The following PCDH15 variants were observed in gnomAD, a reference collection of about 807,000 sequenced individuals.
The protein encoded by PCDH15 is protocadherin-15.
In PCDH15, 129 loss-of-function variants were observed where a neutral mutation model predicts 178.5. The observed-to-expected ratio is 0.72, with a 90% CI of 0.63 to 0.84. The LOEUF (loss-of-function observed/expected upper bound fraction) is 0.84. Among genes scored for constraint, PCDH15 ranks in the 40% least tolerant of loss-of-function variants. The probability of loss-of-function intolerance (pLI) is 0.00; values close to 1 mark genes in which losing one functional copy is unlikely to be tolerated. For synonymous variants in PCDH15, 800 were observed against 732.0 expected, an observed-to-expected ratio of 1.09 and a Z score of -1.50; for missense variants, 2,230 against 2,099.9, an observed-to-expected ratio of 1.06 and a Z score of -1.21.
intron 1 of PCDH15, among the ~76,000 whole-genome samples, chr10:54,673,117 A>T (rs1344930769): frequency 6.6e-6 from 1 of 152,098 alleles, no homozygotes; most frequent in Non-Finnish European, 1.5e-5. Context: ...ACATGTCCAG[A>T]ATGTGTAGGT....
At chr10:55,601,864 TAC>T (rs775541528) in intron 2 of PCDH15, among the ~76,000 whole-genome samples, 1 of 151,940 alleles carries the variant, frequency 6.6e-6, no homozygotes, top group African/African-American at 2.4e-5. Context: ...AGTTATAAAA[TAC>T]ACACACACGG....
At chr10:54,903,021 A>G (rs1954662977) in intron 2 of PCDH15, among the ~76,000 whole-genome samples, 1 of 152,154 alleles carries the variant, frequency 6.6e-6, no homozygotes, top group South Asian at 2.1e-4. Context: ...AATGGCTTTT[A>G]TCCTTGATTT....
intron 2 of PCDH15, among the ~76,000 whole-genome samples, chr10:55,516,500 C>A (rs1204501844): frequency 6.6e-6 from 1 of 152,064 alleles, no homozygotes; most frequent in African/African-American, 2.4e-5. Context: ...CAAGGAGGAA[C>A]ACAACTCAGA....
At chr10:54,674,747 T>C (rs372135404) in intron 1 of PCDH15, among the ~76,000 whole-genome samples, 1 of 152,106 alleles carries the variant, frequency 6.6e-6, no homozygotes, top group African/African-American at 2.4e-5. Context: ...CTGAGTTTTA[T>C]TTTTCTAGGA....
chr10:55,581,436 TAA>T (rs1299841390), intron 2 of PCDH15, among the ~76,000 whole-genome samples: 2 of 151,858 alleles, frequency 1.3e-5, no homozygotes, highest in Non-Finnish European at 2.9e-5. Context: ...TATCCAGTTA[TAA>T]ATGCATTTCA....
In PCDH15 at chr10:54,153,154, CG is replaced by C. The variant is rs1564545696; in HGVS notation, c.1729del (p.Arg577GlyfsTer43). 6.2e-7 allele frequency: 1 copy of C among 1,613,874 alleles called. No individual in the cohort carries two copies. Among genetic ancestry groups the C allele is most frequent in the East Asian group, 2.2e-5 (1 of 44,852 alleles). ...TGCTTGGACCGTGAGTGCGTAAGTCCGCCCGACTATCATTTCCACCCCTGGA... is the reference window on the plus strand; with the variant it reads ...TGCTTGGACCGTGAGTGCGTAAGTCCCCCGACTATCATTTCCACCCCTGGA... ...IAPGVEMIVG[R>X]TYALTVQAAD... On this transcript the variant is annotated frameshift_variant, in exon 14 of 38. Transcript: ENST00000644397. LOFTEE classifies it high-confidence loss of function.
chr10:53,898,893 G>C (rs1186611664), intron 26 of PCDH15, among the ~76,000 whole-genome samples: 3 of 152,164 alleles, frequency 2.0e-5, no homozygotes, highest in Non-Finnish European at 4.4e-5. Flanking sequence ...GTTAAAGTGT[G>C]AGGTAGGAGA....
At chr10:55,353,674 T>C (rs909883263) in intron 2 of PCDH15, among the ~76,000 whole-genome samples, 1 of 152,054 alleles carries the variant, frequency 6.6e-6, no homozygotes, top group African/African-American at 2.4e-5. Flanking sequence ...TTCAGGCAGA[T>C]GCAACCTGAC....
intron 2 of PCDH15, among the ~76,000 whole-genome samples, chr10:54,594,012 G>A (rs1192662226): frequency 2.0e-5 from 3 of 151,992 alleles, no homozygotes; most frequent in Middle Eastern, 3.2e-3. Flanking sequence ...CAGAAGGTGG[G>A]ATAAAGGGAG....
chr10:54,586,264 G>T (rs17737445), intron 2 of PCDH15, among the ~76,000 whole-genome samples: 5 of 152,022 alleles, frequency 3.3e-5, no homozygotes, highest in Non-Finnish European at 7.4e-5. Flanking sequence ...AAATATTCTA[G>T]AAATGGAGAA....
intron 1 of PCDH15, among the ~76,000 whole-genome samples, chr10:55,220,165 T>G (rs975614722): frequency 6.6e-6 from 1 of 152,030 alleles, no homozygotes; most frequent in Non-Finnish European, 1.5e-5. Flanking sequence ...GATCACCCTA[T>G]TGGTGACTTA....
chr10:55,264,784 G>A (rs1211852331), intron 1 of PCDH15, among the ~76,000 whole-genome samples: 1 of 152,116 alleles, frequency 6.6e-6, no homozygotes, highest in Non-Finnish European at 1.5e-5. Context: ...TTACAGCAAG[G>A]AATTGCTTGG....
intron 2 of PCDH15, among the ~76,000 whole-genome samples, chr10:54,612,485 A>G (rs1259479928): frequency 3.3e-5 from 5 of 151,754 alleles, no homozygotes; most frequent in Non-Finnish European, 7.4e-5. Context: ...TATGTAGATA[A>G]ATTTTGGATC....
chr10:54,483,317 T>C (rs1436101406), intron 3 of PCDH15, among the ~76,000 whole-genome samples: 1 of 151,820 alleles, frequency 6.6e-6, no homozygotes, highest in Non-Finnish European at 1.5e-5. Context: ...GCAATTATGT[T>C]ATGAGCAAAC....
At chr10:55,469,585 C>T (rs1185176693) in intron 2 of PCDH15, among the ~76,000 whole-genome samples, 1 of 151,690 alleles carries the variant, frequency 6.6e-6, no homozygotes, top group Non-Finnish European at 1.5e-5. Flanking sequence ...TAATTATTTT[C>T]CATTAAGGAA....
intron 2 of PCDH15, chr10:54,655,889 A>G (rs947505496): frequency 2.6e-5 from 4 of 152,166 alleles, no homozygotes; most frequent in Non-Finnish European, 5.9e-5. Flanking sequence ...GATTGCTTAG[A>G]AAAAAATTAT....
intron 27 of PCDH15, among the ~76,000 whole-genome samples, chr10:53,860,583 T>A (rs2079038378): frequency 6.6e-6 from 1 of 151,822 alleles, no homozygotes; most frequent in African/African-American, 2.4e-5. Context: ...ATACAAAAAA[T>A]AGCCAGGCAT....
chr10:54,558,881 A>G (rs1234569969), intron 2 of PCDH15, among the ~76,000 whole-genome samples: 1 of 152,024 alleles, frequency 6.6e-6, no homozygotes, highest in African/African-American at 2.4e-5. Context: ...TTTTGTATAC[A>G]TGTTTGTTTC....
chr10:54,655,256 A>AAGAG (rs1173377441), intron 2 of PCDH15, among the ~76,000 whole-genome samples: 1,957 of 48,596 alleles, frequency 0.04, 115 homozygotes, highest in East Asian at 0.076. Context: ...GAAAGAAAGA[A>AAGAG]AGAGAGAGAG....
Sources: allele counts gnomAD v4.1 joint callset (sites outside exome capture counted in the v4.1 genomes callset), GRCh38; gene constraint gnomAD v4.1.1; transcripts MANE v1.5; gene names NCBI Gene and HGNC (gene_info 2026-07-23, HGNC 2026-07-21).